The following ADAMTS19 variants were observed in gnomAD, a reference collection of about 807,000 sequenced individuals.
ADAMTS19 encodes the protein A disintegrin and metalloproteinase with thrombospondin motifs 19.
A neutral mutation model predicts 153.3 loss-of-function variants in ADAMTS19; 93 were observed. The observed-to-expected ratio is 0.61, with a 90% CI of 0.51 to 0.72. The LOEUF (loss-of-function observed/expected upper bound fraction) is 0.72. ADAMTS19 is among the 30% of genes least tolerant of loss of function. The probability of loss-of-function intolerance (pLI) is 0.00; values close to 1 mark genes in which losing one functional copy is unlikely to be tolerated. For synonymous variants in ADAMTS19, 600 were observed against 556.6 expected, an observed-to-expected ratio of 1.08 and a Z score of -1.10; for missense variants, 1,482 against 1,552.1, an observed-to-expected ratio of 0.95 and a Z score of 0.76.
chr5:129,577,343 C>T (rs1276311130), intron 7 of ADAMTS19, among the ~76,000 whole-genome samples: 1 of 152,032 alleles, frequency 6.6e-6, no homozygotes. Context: ...TGTTTTATTT[C>T]CTGTCATTGT....
Position 129,681,834 on chromosome 5 carries a change from C to A in ADAMTS19, c.2664+1913C>A, listed in dbSNP as rs924664106. Among the ~76,000 whole-genome samples, 5 of 152,134 alleles carry A rather than the reference C, an allele frequency of 3.3e-5. No homozygotes were observed. The South Asian group carries it at 1.0e-3, about 32-fold the overall frequency. ...GGAAACCCTACTCTCTGCCTTATGCCATCTAGCGAGAGAAAATAAAATGAA... is the reference window on the plus strand; with the variant it reads ...GGAAACCCTACTCTCTGCCTTATGCAATCTAGCGAGAGAAAATAAAATGAA... On this transcript the variant is annotated intron_variant, in intron 17 of 22. Transcript: ENST00000274487.
intron 8 of ADAMTS19, among the ~76,000 whole-genome samples, chr5:129,615,947 G>T (rs537706158): frequency 6.6e-6 from 1 of 151,916 alleles, no homozygotes; most frequent in African/African-American, 2.4e-5. Context: ...ACAGTAGTGG[G>T]TTCTCAACAA....
At chr5:129,489,622 T>C (rs751449740) in intron 2 of ADAMTS19, among the ~76,000 whole-genome samples, 1 of 152,158 alleles carries the variant, frequency 6.6e-6, no homozygotes, top group Non-Finnish European at 1.5e-5. Flanking sequence ...TCATTACTAT[T>C]AGTAAGTTTG....
At position 129,622,209 on chromosome 5, in the gene ADAMTS19, G is replaced by C. The variant is rs746936004; in HGVS notation, c.1631G>C (p.Ser544Thr). 1.2e-6 allele frequency: 2 copies of C among 1,614,046 alleles called. No individual in the cohort carries two copies. Among genetic ancestry groups the C allele is most frequent in the South Asian group, 2.2e-5 (2 of 91,086 alleles). The change falls in exon 10 of 23, where the codon AGT (serine) becomes ACT (threonine). Residue 544 changes from serine (S) to threonine (T), a missense_variant. This residue lies in a region of ADAMTS19 where 866 missense variants were observed against 827.7 expected (regional missense o/e 1.05). Transcript: ENST00000274487. ...CTGCCTATTGCCAGGTCAAAGGCCA[G>C]TAACTGCTTGCTACAAACAAATCCG... The part of the protein sequence containing the change: ...DLERFLRSKA[S>T]NCLLQTNPQS...
At chr5:129,695,590 G>T (rs1019299359) in intron 19 of ADAMTS19, among the ~76,000 whole-genome samples, 1 of 152,152 alleles carries the variant, frequency 6.6e-6, no homozygotes, top group Non-Finnish European at 1.5e-5. Context: ...GCCTAGCAAC[G>T]AGGCTACTTG....
At chr5:129,618,075 T>C (rs1460566298) in intron 8 of ADAMTS19, among the ~76,000 whole-genome samples, 1 of 152,068 alleles carries the variant, frequency 6.6e-6, no homozygotes, top group African/African-American at 2.4e-5. Context: ...GGCAGGTTTA[T>C]TTATTGTTAA....
intron 6 of ADAMTS19, among the ~76,000 whole-genome samples, chr5:129,532,975 T>G (rs1471248402): frequency 6.6e-6 from 1 of 152,110 alleles, no homozygotes; most frequent in Non-Finnish European, 1.5e-5. Context: ...TGGTGGCTTA[T>G]GCCTGTAATC....
intron 21 of ADAMTS19, among the ~76,000 whole-genome samples, chr5:129,720,266 G>C (rs915377101): frequency 1.3e-5 from 2 of 150,970 alleles, no homozygotes; most frequent in African/African-American, 4.9e-5. Context: ...CCGCCTCCAG[G>C]GTTCAAGCGA....
Position 129,609,080 on chromosome 5 carries a change from A to G in ADAMTS19, c.1479-11538A>G, listed in dbSNP as rs145220322. Among the ~76,000 whole-genome samples the G allele has an allele frequency of 1.4e-3, 216 of 152,298 alleles. 4 individuals are homozygous for G. The East Asian group carries it at 0.025, about 18-fold the overall frequency. ...TAATTAGTAATGGCTATCTAAATAT[A>G]CTGTCCCCATTGTACTCTTTAGAAT... On this transcript the variant is annotated intron_variant, in intron 8 of 22. Transcript: ENST00000274487.
At chr5:129,734,607 T>C (rs1757585824) in intron 21 of ADAMTS19, among the ~76,000 whole-genome samples, 1 of 152,006 alleles carries the variant, frequency 6.6e-6, no homozygotes. Context: ...TGTTAGACCT[T>C]GGAAAGCTGT....
At chr5:129,544,464 T>C (rs1752781044) in intron 6 of ADAMTS19, among the ~76,000 whole-genome samples, 1 of 152,188 alleles carries the variant, frequency 6.6e-6, no homozygotes, top group Non-Finnish European at 1.5e-5. Context: ...TTCATTCCTA[T>C]ATGGTAGGTC....
intron 8 of ADAMTS19, among the ~76,000 whole-genome samples, chr5:129,610,547 T>C (rs1751155230): frequency 1.3e-5 from 2 of 152,114 alleles, no homozygotes. Context: ...GTGTTTGGTT[T>C]TTTGTCCTTG....
chr5:129,527,692 A>G (rs1471459358), intron 4 of ADAMTS19, 56 bp from the exon 5 acceptor site: 3 of 1,070,056 alleles, frequency 2.8e-6, no homozygotes, highest in Non-Finnish European at 4.1e-6. Context: ...GGCCTTGAGA[A>G]AAATTAAGAT....
intron 7 of ADAMTS19, among the ~76,000 whole-genome samples, chr5:129,593,332 A>G (rs1239860527): frequency 6.6e-6 from 1 of 152,152 alleles, no homozygotes; most frequent in East Asian, 1.9e-4. Flanking sequence ...TCACGTTTAT[A>G]TTATTAGTTC....
At chr5:129,575,061 T>G (rs980313181) in intron 7 of ADAMTS19, among the ~76,000 whole-genome samples, 8 of 152,018 alleles carry the variant, frequency 5.3e-5, no homozygotes, top group Admixed American at 1.3e-4. Context: ...GTAGGTATAA[T>G]TGCTTTGAAA....
At chr5:129,578,775 C>T (rs944020133) in intron 7 of ADAMTS19, among the ~76,000 whole-genome samples, 5 of 152,084 alleles carry the variant, frequency 3.3e-5, no homozygotes, top group Non-Finnish European at 7.4e-5. Context: ...ATGAACTCAT[C>T]CTTTTTTATG....
chr5:129,535,900 C>CA (rs1469392284), intron 6 of ADAMTS19, among the ~76,000 whole-genome samples: 9 of 152,028 alleles, frequency 5.9e-5, no homozygotes. Context: ...ACACCTTATA[C>CA]AAAAATTAAT....
At chr5:129,463,096 G>C (rs558259187) in intron 2 of ADAMTS19, among the ~76,000 whole-genome samples, 13 of 152,306 alleles carry the variant, frequency 8.5e-5, no homozygotes, top group African/African-American at 2.9e-4. Context: ...TTATTAAAAG[G>C]TTTTATGTGG....
Position 129,654,969 on chromosome 5 carries a change from T to A in ADAMTS19, c.2304+536T>A, listed in dbSNP as rs114982694. Reference sequence around the variant, plus strand: ...TATATGCATGTATGTGCTTTTCATCTATGTTTAGAAAAAGTAGAATTCCTG... The same window carrying A: ...TATATGCATGTATGTGCTTTTCATCAATGTTTAGAAAAAGTAGAATTCCTG... On this transcript the variant is annotated intron_variant, in intron 14 of 22. Transcript: ENST00000274487. 2.3e-3 allele frequency among the ~76,000 whole-genome samples: 358 copies of A among 152,352 alleles called. 1 individual carries two copies. Among genetic ancestry groups the A allele is most frequent in the African/African-American group, 7.5e-3 (312 of 41,592 alleles).
Sources: gnomAD v4.1 joint callset for allele counts (sites outside exome capture counted in the v4.1 genomes callset) on GRCh38, gnomAD v4.1.1 for gene constraint, gnomAD v4.1.1 regional missense constraint, MANE v1.5 for transcripts, NCBI Gene and HGNC (gene_info 2026-07-23, HGNC 2026-07-21) for gene names.